ZC3H15: variants seen among roughly 807,000 people sequenced by gnomAD.
The protein encoded by ZC3H15 is zinc finger CCCH-type containing 15.
In ZC3H15, 15 loss-of-function variants were observed where a neutral mutation model predicts 51.2. The observed-to-expected ratio is 0.29, with a 90% confidence interval of 0.20 to 0.45. The LOEUF (loss-of-function observed/expected upper bound fraction) is 0.45. ZC3H15 is among the 20% of genes least tolerant of loss of function. The probability of loss-of-function intolerance (pLI) is 1.00; values close to 1 mark genes in which losing one functional copy is unlikely to be tolerated. For missense variants in ZC3H15, 381 were observed against 494.7 expected, an observed-to-expected ratio of 0.77 and a Z score of 2.18; for synonymous variants, 144 against 162.8, an observed-to-expected ratio of 0.88 and a Z score of 0.88.
chr2:186,495,151 AAAT>A (rs952026214), intron 1 of ZC3H15, 79 bp from the exon 2 acceptor site: 6 of 790,548 alleles, frequency 7.6e-6, no homozygotes, highest in African/African-American at 5.5e-5. Context: ...TTATCAATAA[AAAT>A]AATGATTTTT....
chr2:186,501,945 C>T (rs888014516), intron 4 of ZC3H15, among the ~76,000 whole-genome samples: 1 of 152,092 alleles, frequency 6.6e-6, no homozygotes, highest in Admixed American at 6.5e-5. Context: ...CTCCTGACTT[C>T]GTGATCTGCC....
intron 1 of ZC3H15, among the ~76,000 whole-genome samples, chr2:186,493,119 GA>G (rs35287348): frequency 0.6 from 86,272 of 142,856 alleles, 25,237 homozygotes; most frequent in Non-Finnish European, 0.64. Context: ...GCAAAATTAT[GA>G]AAAAAAAAAA....
At chr2:186,493,142 T>C (rs1257293602) in intron 1 of ZC3H15, among the ~76,000 whole-genome samples, 1 of 147,674 alleles carries the variant, frequency 6.8e-6, no homozygotes, top group African/African-American at 2.5e-5. Context: ...AACTCAACAA[T>C]GGGAAGCACT....
chr2:186,492,131 A>C (rs555778934), intron 1 of ZC3H15, among the ~76,000 whole-genome samples: 1 of 152,338 alleles, frequency 6.6e-6, no homozygotes, highest in East Asian at 1.9e-4. Context: ...CTGTAGTTAC[A>C]GATGGAGCAT....
chr2:186,498,765 A>G (rs1574424664), intron 2 of ZC3H15, among the ~76,000 whole-genome samples: 1 of 151,354 alleles, frequency 6.6e-6, no homozygotes, highest in African/African-American at 2.4e-5. Context: ...TTTTATGTTG[A>G]TTTTCTTCAA....
At chr2:186,493,221 TCTA>T (rs1388223964) in intron 1 of ZC3H15, among the ~76,000 whole-genome samples, 1 of 152,008 alleles carries the variant, frequency 6.6e-6, no homozygotes, top group Non-Finnish European at 1.5e-5. Flanking sequence ...ATAATTCTTA[TCTA>T]CTACAGCTCA....
chr2:186,492,225 C>G (rs1348193534), intron 1 of ZC3H15, among the ~76,000 whole-genome samples: 2 of 152,154 alleles, frequency 1.3e-5, no homozygotes, highest in Non-Finnish European at 2.9e-5. Flanking sequence ...AGAGCCTCCT[C>G]TCCCTCCCGT....
Position 186,502,573 on chromosome 2 carries a change from C to A in ZC3H15, c.520C>A (p.Pro174Thr). ...GCACGGTGAGGCGGAAAAGAAAAAA[C>A]CAAAAACTCAAATAGTATGTCCTTT... ...KKHGEAEKKK[P>T]KTQIVCKHFL... The change falls in exon 5 of 10, where the codon CCA becomes ACA. Residue 174 changes from proline (P) to threonine (T), a missense_variant. Transcript: ENST00000337859. The A allele has an allele frequency of 6.2e-7, 1 of 1,611,062 alleles. No homozygotes were observed. Among genetic ancestry groups the A allele is most frequent in the Middle Eastern group, 1.7e-4 (1 of 6,058 alleles).
chr2:186,507,493 TGATAAAA>T (rs1374521455), intron 9 of ZC3H15: 4 of 456,468 alleles, frequency 8.8e-6, no homozygotes, highest in South Asian at 6.2e-5. Context: ...GAGAAGTTGA[TGATAAAA>T]GATTAGTTAT....
intron 9 of ZC3H15, chr2:186,507,296 T>A: frequency 2.5e-6 from 1 of 402,932 alleles, no homozygotes; most frequent in Non-Finnish European, 4.9e-6. Flanking sequence ...AAGTTACTGG[T>A]TGTAATTGGT....
intron 2 of ZC3H15, among the ~76,000 whole-genome samples, chr2:186,496,804 A>AT (rs1685289538): frequency 6.6e-6 from 1 of 152,200 alleles, no homozygotes. Flanking sequence ...ATTAGTAATG[A>AT]TTTGTGTCTG....
At position 186,501,299 on chromosome 2, in the gene ZC3H15, G is replaced by A; in HGVS notation, c.316G>A (p.Ala106Thr). 2 of 1,611,072 alleles carry A rather than the reference G, an allele frequency of 1.2e-6. No homozygotes were observed. The highest frequency in any genetic ancestry group is 2.2e-5 in the South Asian group (2 of 90,510). ...TGCAGATCCCAAGTCTGTAGTATGT[G>A]CATTCTTCAAGCAAGGACAGTGTAC... ...KGADPKSVVC[A>T]FFKQGQCTKG... is the part of the protein sequence containing the mutation. The change falls in exon 4 of 10, where the codon GCA (alanine) becomes ACA (threonine). Residue 106 changes from alanine (A) to threonine (T), a missense_variant. Around this residue, in one of 3 missense-constraint regions of ZC3H15, gnomAD observed 125 missense variants for 166.3 expected, o/e 0.75. Coordinates refer to ENST00000337859, the MANE Select transcript of ZC3H15 (RefSeq NM_018471.3).
Position 186,508,872 on chromosome 2 carries a change from C to G in ZC3H15, c.*139C>G. On this transcript the variant is annotated 3_prime_UTR_variant, in exon 10 of 10. Coordinates refer to ENST00000337859, the MANE Select transcript of ZC3H15 (RefSeq NM_018471.3). Reference sequence around the variant, plus strand: ...AGGAGTTAACCTCCTGCAAAAAAGGCATCTTGTCCCTACATCTTCTCTTCT... The same window carrying G: ...AGGAGTTAACCTCCTGCAAAAAAGGGATCTTGTCCCTACATCTTCTCTTCT... 1.2e-6 allele frequency: 1 copy of G among 841,038 alleles called. No homozygotes were observed. The highest frequency in any genetic ancestry group is 1.8e-6 in the Non-Finnish European group (1 of 541,592). The allele number at this position is 841,038 out of a possible 1,614,324, so 52.1% of individuals were successfully genotyped here. A position where few individuals can be genotyped will look rare whatever the true frequency, so the allele number is the denominator to read the frequency against.
intron 2 of ZC3H15, among the ~76,000 whole-genome samples, chr2:186,496,329 T>C (rs4667101): frequency 0.67 from 102,435 of 152,112 alleles, 34,771 homozygotes; most frequent in Non-Finnish European, 0.71. Flanking sequence ...GCCATCCACC[T>C]GCCTCATCCT....
intron 1 of ZC3H15, among the ~76,000 whole-genome samples, chr2:186,488,099 TAAC>T (rs1454691441): frequency 5.3e-5 from 8 of 152,262 alleles, no homozygotes; most frequent in African/African-American, 1.4e-4. Context: ...CTAAAAATAT[TAAC>T]AACAACAAAG....
At chr2:186,494,017 G>A (rs537611082) in intron 1 of ZC3H15, among the ~76,000 whole-genome samples, 9 of 150,918 alleles carry the variant, frequency 6.0e-5, no homozygotes, top group Admixed American at 1.3e-4. Flanking sequence ...CCACACACAC[G>A]CTTGCTCATA....
intron 1 of ZC3H15, among the ~76,000 whole-genome samples, chr2:186,492,186 G>A (rs2105586075): frequency 6.6e-6 from 1 of 152,248 alleles, no homozygotes; most frequent in East Asian, 1.9e-4. Context: ...ACCTGTAGAT[G>A]CTGTTTAATC....
chr2:186,508,747 G>A lies in ZC3H15; in HGVS notation c.*14G>A, dbSNP rs750125575. On this transcript the variant is annotated 3_prime_UTR_variant, in exon 10 of 10. Transcript: ENST00000337859. Reference sequence around the variant, plus strand: ...TTAGAAGAATGACACCAAACACATCGCTGAAAAAATTAAGTCAGCTCAGCA... The same window carrying A: ...TTAGAAGAATGACACCAAACACATCACTGAAAAAATTAAGTCAGCTCAGCA... The A allele has an allele frequency of 2.2e-5, 35 of 1,610,430 alleles. No homozygotes were observed. The highest frequency in any genetic ancestry group is 2.7e-5 in the African/African-American group (2 of 74,738).
At chr2:186,503,711 T>G (rs1347346332) in intron 5 of ZC3H15, among the ~76,000 whole-genome samples, 2 of 152,174 alleles carry the variant, frequency 1.3e-5, no homozygotes, top group Admixed American at 6.5e-5. Flanking sequence ...AATTGTATAT[T>G]CTGATTCGGG....
Sources: allele counts gnomAD v4.1 joint callset (sites outside exome capture counted in the v4.1 genomes callset), GRCh38; gene constraint gnomAD v4.1.1; regional missense constraint gnomAD v4.1.1; transcripts MANE v1.5; gene names NCBI Gene and HGNC (gene_info 2026-07-23, HGNC 2026-07-21).